CNTNAP2: variants seen among roughly 807,000 people sequenced by gnomAD.
CNTNAP2 encodes contactin associated protein 2.
CNTNAP2 carries 98 observed loss-of-function variants against 155.2 expected under a neutral mutation model. That is an observed-to-expected ratio of 0.63 (90% CI 0.54 to 0.75). CNTNAP2 has a LOEUF of 0.75. CNTNAP2 is among the 30% of genes least tolerant of loss of function. CNTNAP2 has a pLI of 0.00. For missense variants in CNTNAP2, 1,727 were observed against 1,688.1 expected, an observed-to-expected ratio of 1.02 and a Z score of -0.40; for synonymous variants, 651 against 631.2, an observed-to-expected ratio of 1.03 and a Z score of -0.47.
chr7:147,373,310 G>A (rs1159257377), intron 9 of CNTNAP2, among the ~76,000 whole-genome samples: 3 of 151,736 alleles, frequency 2.0e-5, no homozygotes, highest in Non-Finnish European at 2.9e-5. Context: ...ACGTGGTTTC[G>A]GTGATTCATA....
intron 13 of CNTNAP2, among the ~76,000 whole-genome samples, chr7:147,671,165 C>T (rs772429912): frequency 6.6e-5 from 10 of 152,220 alleles, no homozygotes; most frequent in Non-Finnish European, 7.3e-5. Context: ...CCAGTGTTTG[C>T]GCACTCCAGT....
intron 3 of CNTNAP2, among the ~76,000 whole-genome samples, chr7:146,971,987 T>C (rs1341382313): frequency 6.6e-6 from 1 of 152,226 alleles, no homozygotes; most frequent in Non-Finnish European, 1.5e-5. Context: ...CATTTTCCCA[T>C]ATATGCTATT....
At chr7:147,387,757 T>A (rs568278263) in intron 9 of CNTNAP2, among the ~76,000 whole-genome samples, 2 of 152,290 alleles carry the variant, frequency 1.3e-5, no homozygotes, top group Non-Finnish European at 2.9e-5. Flanking sequence ...TTATTGACTG[T>A]ATTTACCCTA....
chr7:147,395,895 G>A (rs1376859400), intron 10 of CNTNAP2, 115 bp downstream of exon 10: 3 of 1,136,148 alleles, frequency 2.6e-6, no homozygotes, highest in Non-Finnish European at 3.9e-6. Context: ...AGGTAAGGTG[G>A]AAATTACCAT....
At chr7:146,681,409 C>T (rs1342717000) in intron 1 of CNTNAP2, among the ~76,000 whole-genome samples, 1 of 117,066 alleles carries the variant, frequency 8.5e-6, no homozygotes, top group Non-Finnish European at 1.7e-5. Flanking sequence ...GGAAACAAGA[C>T]ACACAGGGTC....
At chr7:147,463,808 A>C (rs1798065828) in intron 10 of CNTNAP2, among the ~76,000 whole-genome samples, 1 of 152,322 alleles carries the variant, frequency 6.6e-6, no homozygotes, top group Non-Finnish European at 1.5e-5. Flanking sequence ...CAAGGACCAT[A>C]ACAAAACAGT....
chr7:147,111,378 C>A (rs1800876622), intron 5 of CNTNAP2, among the ~76,000 whole-genome samples: 1 of 152,102 alleles, frequency 6.6e-6, no homozygotes, highest in South Asian at 2.1e-4. Context: ...TTAATTATAT[C>A]CCATCTGTCA....
chr7:146,224,740 GC>G (rs1799265378), intron 1 of CNTNAP2, among the ~76,000 whole-genome samples: 4 of 152,148 alleles, frequency 2.6e-5, no homozygotes, highest in Non-Finnish European at 5.9e-5. Flanking sequence ...CTGCACTCCA[GC>G]CTGGGTGACA....
Position 148,024,082 on chromosome 7 carries a change from G to C in CNTNAP2, c.2383+46093G>C, listed in dbSNP as rs533925002. On this transcript the variant is annotated intron_variant, in intron 15 of 23. Transcript: ENST00000361727. ...TTGCCTTTTTATGCTATATCCTTGG[G>C]AGTACAATTTACAAATAGTCTACTA... is the stretch of plus-strand genomic sequence containing the variant. Among the ~76,000 whole-genome samples, 3 of 146,010 alleles carry C rather than the reference G, an allele frequency of 2.1e-5. No individual in the cohort carries two copies. In the East Asian group the frequency reaches 6.4e-4, roughly 31 times the overall value.
intron 5 of CNTNAP2, among the ~76,000 whole-genome samples, chr7:147,110,721 C>G (rs979880444): frequency 8.5e-5 from 13 of 152,196 alleles, no homozygotes; most frequent in African/African-American, 3.1e-4. Flanking sequence ...CTTTTTATGG[C>G]TGCGTAGTAT....
At chr7:147,487,768 T>C (rs1422348299) in intron 11 of CNTNAP2, among the ~76,000 whole-genome samples, 5 of 152,086 alleles carry the variant, frequency 3.3e-5, no homozygotes, top group Non-Finnish European at 5.9e-5. Context: ...TTTTTAAGGG[T>C]AATGACTCCA....
At chr7:147,835,804 G>A (rs958820772) in intron 13 of CNTNAP2, among the ~76,000 whole-genome samples, 7 of 152,158 alleles carry the variant, frequency 4.6e-5, no homozygotes, top group Non-Finnish European at 7.4e-5. Context: ...AGGAGAGAGA[G>A]CTTTGACACA....
intron 1 of CNTNAP2, among the ~76,000 whole-genome samples, chr7:146,543,788 C>T (rs1797988833): frequency 6.6e-6 from 1 of 151,896 alleles, no homozygotes; most frequent in South Asian, 2.1e-4. Context: ...ATTTTTACTG[C>T]TTCTCCTTTA....
At chr7:146,865,255 G>T (rs1795180795) in intron 3 of CNTNAP2, among the ~76,000 whole-genome samples, 1 of 151,940 alleles carries the variant, frequency 6.6e-6, no homozygotes, top group Admixed American at 6.6e-5. Context: ...CTTATTAATT[G>T]TAAAATATGT....
rs1401441629 is a variant in CNTNAP2, at chr7:148,171,996, G to A, written c.2774-246G>A. Reference sequence around the variant, plus strand: ...CCAAAACAGCTGATATAATTTTTGTGCATCTCCAAATATTTTATTTCTGTA... The same window carrying A: ...CCAAAACAGCTGATATAATTTTTGTACATCTCCAAATATTTTATTTCTGTA... On this transcript the variant is annotated intron_variant, in intron 17 of 23. Coordinates refer to ENST00000361727, the MANE Select transcript of CNTNAP2 (RefSeq NM_014141.6). Among the ~76,000 whole-genome samples the A allele has an allele frequency of 4.6e-5, 7 of 152,276 alleles. No homozygotes were observed. In the East Asian group the frequency reaches 1.3e-3, roughly 29 times the overall value.
At chr7:146,875,951 AAAAAAAAAAAC>A (rs1562983061) in intron 3 of CNTNAP2, among the ~76,000 whole-genome samples, 11 of 147,740 alleles carry the variant, frequency 7.4e-5, no homozygotes, top group Non-Finnish European at 7.5e-5. Context: ...AAAAAAAAAA[AAAAAAAAAAAC>A]AAAAAACAAA....
intron 20 of CNTNAP2, 109 bp downstream of exon 20, chr7:148,229,888 C>A: frequency 2.4e-6 from 3 of 1,231,570 alleles, no homozygotes; most frequent in South Asian, 1.3e-5. Flanking sequence ...AGAAGAGATG[C>A]TTTTTACACT....
At chr7:146,204,202 C>T (rs1480652187) in intron 1 of CNTNAP2, among the ~76,000 whole-genome samples, 1 of 152,010 alleles carries the variant, frequency 6.6e-6, no homozygotes, top group African/African-American at 2.4e-5. Context: ...CCAACAATAT[C>T]TTAAGAAAAG....
intron 1 of CNTNAP2, among the ~76,000 whole-genome samples, chr7:146,723,346 A>G (rs1204102634): frequency 1.3e-5 from 2 of 152,158 alleles, no homozygotes; most frequent in Non-Finnish European, 2.9e-5. Context: ...GTTAGATTTT[A>G]GACTTCTAAA....
Sources: gnomAD v4.1 joint callset for allele counts (sites outside exome capture counted in the v4.1 genomes callset) on GRCh38, gnomAD v4.1.1 for gene constraint, MANE v1.5 for transcripts, NCBI Gene and HGNC (gene_info 2026-07-23, HGNC 2026-07-21) for gene names.